The following ANK2 variants were observed in gnomAD, a reference collection of about 807,000 sequenced individuals.
ANK2 encodes the protein ankyrin-2.
A neutral mutation model predicts 360.5 loss-of-function variants in ANK2; 83 were observed. That is an observed-to-expected ratio of 0.23 (90% CI 0.19 to 0.28). ANK2 has a LOEUF of 0.28. Among genes scored for constraint, ANK2 ranks in the 10% least tolerant of loss-of-function variants. The pLI, the probability that ANK2 is intolerant of heterozygous loss-of-function variation, is 1.00. For missense variants in ANK2, 4,201 were observed against 4,795.7 expected, an observed-to-expected ratio of 0.88 and a Z score of 3.66; for synonymous variants, 1,740 against 1,759.5, an observed-to-expected ratio of 0.99 and a Z score of 0.28.
chr4:113,019,102 G>T (rs1267652932), intron 2 of ANK2, among the ~76,000 whole-genome samples: 1 of 152,120 alleles, frequency 6.6e-6, no homozygotes, highest in African/African-American at 2.4e-5. Context: ...TACATGTAAA[G>T]ATACAGGTAT....
In ANK2 at chr4:112,831,665, C is replaced by T. The variant is rs142900494; in HGVS notation, c.-40+13401C>T. On this transcript the variant is annotated intron_variant, in intron 1 of 30. Coordinates refer to the ANK2 transcript ENST00000503271. ...GCAGGCTGCTGGAGCCAGCACTCCT[C>T]GGGTCCTCTTTCATGCTGTGGAAGC... Among the ~76,000 whole-genome samples the T allele has an allele frequency of 9.8e-4, 149 of 152,286 alleles. 1 individual carries two copies. In the East Asian group the frequency reaches 0.023, roughly 24 times the overall value.
intron 1 of ANK2, among the ~76,000 whole-genome samples, chr4:113,058,042 TC>T (rs1199854566): frequency 6.6e-6 from 1 of 152,150 alleles, no homozygotes; most frequent in Non-Finnish European, 1.5e-5. Context: ...CCTTTCCATT[TC>T]CTGGTCTGGC....
chr4:112,826,487 A>G, intron 1 of ANK2: 1 of 1,147,012 alleles, frequency 8.7e-7, no homozygotes, highest in Non-Finnish European at 1.3e-6. Flanking sequence ...CTTTTGTTAC[A>G]TCTACTGGGA....
At chr4:113,306,925 C>T (rs2153808666) in intron 23 of ANK2, among the ~76,000 whole-genome samples, 1 of 152,320 alleles carries the variant, frequency 6.6e-6, no homozygotes, top group East Asian at 1.9e-4. Flanking sequence ...AGAATTATAG[C>T]ATCCAGATTT....
intron 1 of ANK2, among the ~76,000 whole-genome samples, chr4:113,166,738 G>A (rs1158940865): frequency 6.6e-6 from 1 of 151,980 alleles, no homozygotes; most frequent in Admixed American, 6.6e-5. Flanking sequence ...GTATAAAATT[G>A]TCTCTGATAA....
intron 1 of ANK2, among the ~76,000 whole-genome samples, chr4:113,149,898 AAAG>A (rs2096983204): frequency 1.3e-5 from 2 of 150,130 alleles, no homozygotes; most frequent in Non-Finnish European, 3.0e-5. Flanking sequence ...AAAAAAAAAA[AAAG>A]AAAGATTGAA....
intron 14 of ANK2, among the ~76,000 whole-genome samples, chr4:113,273,780 C>A (rs2059312346): frequency 1.3e-5 from 2 of 152,130 alleles, no homozygotes; most frequent in Non-Finnish European, 2.9e-5. Flanking sequence ...TCCCTTAGAC[C>A]CAGCTATATC....
intron 1 of ANK2, among the ~76,000 whole-genome samples, chr4:113,070,448 A>G (rs1350020170): frequency 6.6e-6 from 1 of 152,168 alleles, no homozygotes; most frequent in African/African-American, 2.4e-5. Flanking sequence ...TAATAAGTAT[A>G]AATGCATTGT....
At chr4:113,216,043 T>C (rs891696581) in intron 4 of ANK2, among the ~76,000 whole-genome samples, 18 of 152,194 alleles carry the variant, frequency 1.2e-4, no homozygotes, top group African/African-American at 4.3e-4. Context: ...AACTGTTAAA[T>C]CGGGCTACTC....
chr4:112,875,616 G>T (rs1180608079), intron 1 of ANK2, among the ~76,000 whole-genome samples: 1 of 152,106 alleles, frequency 6.6e-6, no homozygotes, highest in Non-Finnish European at 1.5e-5. Context: ...GATTACAAGT[G>T]TGAGCCACCA....
At chr4:113,165,346 G>A (rs1016378693) in intron 1 of ANK2, among the ~76,000 whole-genome samples, 1 of 152,232 alleles carries the variant, frequency 6.6e-6, no homozygotes, top group East Asian at 1.9e-4. Flanking sequence ...TATCCAATGT[G>A]GAGCTGTAAG....
At chr4:113,084,456 C>T (rs184677149) in intron 1 of ANK2, among the ~76,000 whole-genome samples, 100 of 152,146 alleles carry the variant, frequency 6.6e-4, no homozygotes, top group African/African-American at 2.3e-3. Flanking sequence ...AAACGAAACG[C>T]GATTAAATCC....
intron 1 of ANK2, chr4:112,882,139 G>A: frequency 4.3e-6 from 1 of 233,842 alleles, no homozygotes. Flanking sequence ...AGGACAGGAC[G>A]GCCCTGGGAA....
At chr4:113,059,362 A>G (rs1580349007) in intron 1 of ANK2, among the ~76,000 whole-genome samples, 1 of 152,184 alleles carries the variant, frequency 6.6e-6, no homozygotes, top group Admixed American at 6.5e-5. Flanking sequence ...AGCCCTACAT[A>G]TGAATTTGAT....
chr4:113,213,710 G>T (rs578221227), intron 4 of ANK2, among the ~76,000 whole-genome samples: 4 of 152,226 alleles, frequency 2.6e-5, no homozygotes, highest in South Asian at 4.1e-4. Context: ...AGATTAAATA[G>T]ATCAATAGAT....
chr4:113,245,868 G>T (rs983779467), intron 9 of ANK2, among the ~76,000 whole-genome samples: 1 of 151,696 alleles, frequency 6.6e-6, no homozygotes, highest in African/African-American at 2.4e-5. Flanking sequence ...ACAATAGTGC[G>T]ATCTCGGCTC....
chr4:112,843,145 A>G (rs1271196721), intron 1 of ANK2, among the ~76,000 whole-genome samples: 1 of 152,154 alleles, frequency 6.6e-6, no homozygotes. Context: ...ATTTAATCAC[A>G]CATGCAAAGT....
At chr4:113,293,315 T>G (rs1467305831) in intron 21 of ANK2, 125 bp from the exon 22 acceptor site, 1 of 846,340 alleles carries the variant, frequency 1.2e-6, no homozygotes, top group Non-Finnish European at 1.9e-6. Context: ...AACTAGTGAT[T>G]TTCCTAAGCT....
intron 18 of ANK2, among the ~76,000 whole-genome samples, chr4:113,284,233 G>T (rs573075838): frequency 1.3e-5 from 2 of 152,310 alleles, no homozygotes; most frequent in East Asian, 3.9e-4. Flanking sequence ...TGTGACTGTT[G>T]ACGTCATGTC....
Sources: allele counts gnomAD v4.1 joint callset (sites outside exome capture counted in the v4.1 genomes callset), GRCh38; gene constraint gnomAD v4.1.1; transcripts MANE v1.5; gene names NCBI Gene and HGNC (gene_info 2026-07-23, HGNC 2026-07-21).